CEP295: variants seen among roughly 807,000 people sequenced by gnomAD.
CEP295 encodes centrosomal protein 295.
A neutral mutation model predicts 291.6 loss-of-function variants in CEP295; 190 were observed. The ratio of observed to expected loss-of-function variants is 0.65; its 90% CI spans 0.58 to 0.73. The LOEUF is 0.73. Among genes scored for constraint, CEP295 ranks in the 30% least tolerant of loss-of-function variants. CEP295 has a pLI of 0.00. For synonymous variants in CEP295, 993 were observed against 1,038.8 expected (o/e 0.96, Z 0.85); for missense variants, 2,863 against 2,949.4 (o/e 0.97, Z 0.68).
At chr11:93,729,814 C>T (rs2135387658) in intron 27 of CEP295, 33 bp downstream of exon 27, 2 of 1,536,590 alleles carry the variant, frequency 1.3e-6, no homozygotes, top group Non-Finnish European at 1.8e-6. Context: ...TCAACCAACT[C>T]CCTGAAATGT....
rs61738803 is a variant in CEP295 at position 93,729,731 on chromosome 11, A to T, written c.7517A>T (p.His2506Leu). Reference protein sequence around the residue: ...QRQKEIRNKIHVSENSQIKTV... With the variant: ...QRQKEIRNKILVSENSQIKTV... ...CAGAAAGAAATAAGGAATAAAATTC[A>T]TGTCTCTGAAAATTCTCAAATCAAA... is the stretch of plus-strand genomic sequence containing the variant. The change falls in exon 27 of 30, where the codon CAT becomes CTT. Residue 2506 changes from histidine (H) to leucine (L), a missense_variant. Transcript: ENST00000325212. 1.3e-6 allele frequency: 2 copies of T among 1,549,634 alleles called. No individual in the cohort carries two copies. Among genetic ancestry groups the T allele is most frequent in the Non-Finnish European group, 1.7e-6 (2 of 1,145,546 alleles).
intron 15 of CEP295, among the ~76,000 whole-genome samples, chr11:93,701,777 T>C (rs1295146051): frequency 1.3e-5 from 2 of 151,756 alleles, no homozygotes; most frequent in Non-Finnish European, 2.9e-5. Flanking sequence ...CTAACTTTTG[T>C]ATTTTTTGTA....
chr11:93,713,912 T>G (rs1165870035), intron 18 of CEP295, among the ~76,000 whole-genome samples: 1 of 152,104 alleles, frequency 6.6e-6, no homozygotes, highest in East Asian at 1.9e-4. Flanking sequence ...GTTCACTAAT[T>G]CATTGTGCTT....
chr11:93,673,660 A>C (rs1950552712), intron 5 of CEP295, among the ~76,000 whole-genome samples: 1 of 151,786 alleles, frequency 6.6e-6, no homozygotes, highest in African/African-American at 2.4e-5. Flanking sequence ...TGCCTGGCTA[A>C]TTTTTGATTT....
In CEP295 at chr11:93,699,157, A is replaced by C; in HGVS notation, c.4245A>C (p.Arg1415Ser). ...CATTACCTCTTAATGAATCTGAAAGAAACCAAGAACCATGTTCAATTAACA... is the reference window on the plus strand; with the variant it reads ...CATTACCTCTTAATGAATCTGAAAGCAACCAAGAACCATGTTCAATTAACA... ...FASLPLNESERNQEPCSINSD... is the reference protein window; with the variant it reads ...FASLPLNESESNQEPCSINSD... Residue 1415 changes from arginine (R) to serine (S), a missense_variant, in exon 15 of 30, where the codon AGA becomes AGC. Around this residue, in one of 3 missense-constraint regions of CEP295, gnomAD observed 2,295 missense variants for 2,335.7 expected, o/e 0.98. Coordinates refer to ENST00000325212, the MANE Select transcript of CEP295 (RefSeq NM_033395.2). 6.4e-7 allele frequency: 1 copy of C among 1,551,810 alleles called. No homozygotes were observed. Among genetic ancestry groups the C allele is most frequent in the African/African-American group, 1.4e-5 (1 of 73,160 alleles).
At chr11:93,702,729 T>C (rs948358310) in intron 16 of CEP295, 47 bp from the exon 17 acceptor site, 1 of 1,543,496 alleles carries the variant, frequency 6.5e-7, no homozygotes, top group Non-Finnish European at 8.8e-7. Context: ...GTTAGAAGTA[T>C]GTTAATAGAT....
At position 93,698,747 on chromosome 11, in the gene CEP295, G is replaced by A; in HGVS notation, c.3835G>A (p.Glu1279Lys). The A allele has an allele frequency of 6.4e-7, 1 of 1,551,626 alleles. No homozygotes were observed. Among genetic ancestry groups the A allele is most frequent in the Non-Finnish European group, 8.7e-7 (1 of 1,147,008 alleles). The change falls in exon 15 of 30, where the codon GAA becomes AAA. Residue 1279 changes from glutamate (E) to lysine (K), a missense_variant. Glu to Lys is a moderately conservative substitution (Grantham distance 56, BLOSUM62 1). Transcript: ENST00000325212. ...CTTTCATTTCAGCCAGAAAACCCAA[G>A]AAAATACATCTTCTGAACAAACTGG... is the stretch of plus-strand genomic sequence containing the variant. ...EAFHFSQKTQ[E>K]NTSSEQTGSS...
At chr11:93,708,070 CTATT>C (rs1366948196) in intron 18 of CEP295, among the ~76,000 whole-genome samples, 4 of 151,846 alleles carry the variant, frequency 2.6e-5, no homozygotes, top group African/African-American at 7.3e-5. Flanking sequence ...GTAGGTGTAT[CTATT>C]TATGGGGTAT....
Position 93,723,169 on chromosome 11 carries a change from G to C in CEP295, c.6076G>C (p.Val2026Leu), listed in dbSNP as rs113577083. 0.013 allele frequency: 20,819 copies of C among 1,551,980 alleles called. 199 individuals are homozygous for C. The highest frequency in any genetic ancestry group is 0.015 in the Non-Finnish European group (16,645 of 1,146,996). Residue 2026 changes from valine to leucine, a missense_variant, in exon 21 of 30, where the codon GTT (valine) becomes CTT (leucine). Physicochemically the swap from Val to Leu is conservative, Grantham distance 32. This residue lies in a region of CEP295 where 2,295 missense variants were observed against 2,335.7 expected (regional missense o/e 0.98). Coordinates refer to ENST00000325212, the MANE Select transcript of CEP295 (RefSeq NM_033395.2). ...DIYQRQNSSDVHKSLLPAVDE... is the reference protein window; with the variant it reads ...DIYQRQNSSDLHKSLLPAVDE... ...TTATCAGCGGCAGAACTCTTCAGAC[G>C]TTCATAAATCTCTGTTGCCTGCAGT...
At chr11:93,676,672 AT>A (rs1220928387) in intron 6 of CEP295, among the ~76,000 whole-genome samples, 2 of 152,118 alleles carry the variant, frequency 1.3e-5, no homozygotes, top group East Asian at 3.9e-4. Flanking sequence ...AATAACTTCA[AT>A]TTGTTGCTAA....
At chr11:93,681,662 C>T (rs1950973355) in intron 7 of CEP295, among the ~76,000 whole-genome samples, 1 of 151,896 alleles carries the variant, frequency 6.6e-6, no homozygotes, top group Non-Finnish European at 1.5e-5. Flanking sequence ...GATCCGCCTG[C>T]CTCAGCCTCC....
Position 93,729,857 on chromosome 11 carries a change from T to G in CEP295, c.7568-13T>G, listed in dbSNP as rs1938156804. 1.3e-6 allele frequency: 2 copies of G among 1,538,416 alleles called. No homozygotes were observed. Among genetic ancestry groups the G allele is most frequent in the Non-Finnish European group, 1.7e-6 (2 of 1,143,512 alleles). ...CTTGTGTTTACAACTTGATTTCACT[T>G]TTCTTTCCTCAGGTTCATCTGTGAG... is the stretch of plus-strand genomic sequence containing the variant. On this transcript the variant is annotated splice_polypyrimidine_tract_variant and intron_variant, in intron 27 of 29. Coordinates refer to ENST00000325212, the MANE Select transcript of CEP295 (RefSeq NM_033395.2).
At chr11:93,690,984 A>T (rs1012171055) in intron 10 of CEP295, among the ~76,000 whole-genome samples, 2 of 152,164 alleles carry the variant, frequency 1.3e-5, no homozygotes, top group African/African-American at 4.8e-5. Context: ...GTCTGCTTAA[A>T]TGTCGTTTCC....
intron 5 of CEP295, among the ~76,000 whole-genome samples, chr11:93,670,088 A>G (rs551023502): frequency 6.6e-5 from 10 of 152,226 alleles, no homozygotes; most frequent in African/African-American, 2.2e-4. Context: ...TTGGAAAACT[A>G]TAATGGTTTT....
rs1269280145 is a variant in CEP295, at chr11:93,697,774, A to G, written c.2862A>G (p.Gln954=). The G allele has an allele frequency of 9.0e-6, 14 of 1,551,626 alleles. No homozygotes were observed. Among genetic ancestry groups the G allele is most frequent in the Middle Eastern group, 1.7e-4 (1 of 6,014 alleles). Residue 954 remains glutamine (Q), a synonymous_variant, in exon 15 of 30, where the codon CAA becomes CAG. Transcript: ENST00000325212. ...LSQQNNFKFL[Q]EQLNIQKDSL... is the part of the protein sequence containing the mutation. ...AGCAAAATAATTTTAAATTTCTCCA[A>G]GAGCAGTTGAATATTCAGAAGGATA...
chr11:93,728,592 T>G (rs1466498144), intron 24 of CEP295, 89 bp from the exon 25 acceptor site: 2 of 1,186,616 alleles, frequency 1.7e-6, no homozygotes. Context: ...TATATACACT[T>G]GCAAAAAATG....
At chr11:93,691,324 A>T (rs1951542316) in intron 10 of CEP295, among the ~76,000 whole-genome samples, 1 of 152,210 alleles carries the variant, frequency 6.6e-6, no homozygotes. Flanking sequence ...TTTTTTAAAA[A>T]CCTAGTATCC....
At position 93,698,471 on chromosome 11, in the gene CEP295, G is replaced by T. The variant is rs555023177; in HGVS notation, c.3559G>T (p.Val1187Leu). The T allele has an allele frequency of 1.3e-6, 2 of 1,551,844 alleles. No individual in the cohort carries two copies. The highest frequency in any genetic ancestry group is 1.4e-5 in the African/African-American group (1 of 73,034). ...LGAKEGTQEF[V>L]HTESELEKRI... is the part of the protein sequence containing the mutation. The stretch of plus-strand genomic sequence containing the variant: ...TGCTAAAGAAGGAACTCAGGAATTT[G>T]TACACACAGAAAGTGAATTGGAGAA... Residue 1187 changes from valine to leucine, a missense_variant, in exon 15 of 30, where the codon GTA becomes TTA. Physicochemically the swap from Val to Leu is conservative, Grantham distance 32. Coordinates refer to ENST00000325212, the MANE Select transcript of CEP295 (RefSeq NM_033395.2).
rs1951884078 is a variant in CEP295, at chr11:93,697,162, A to G, written c.2250A>G (p.Lys750=). The G allele has an allele frequency of 6.4e-7, 1 of 1,551,902 alleles. No homozygotes were observed. The highest frequency in any genetic ancestry group is 8.7e-7 in the Non-Finnish European group (1 of 1,147,050). ...DRQLISQDAR[K]ISETFGATTF... ...AGCTAATATCACAGGATGCTAGAAA[A>G]ATATCTGAAACATTTGGGGCAACAA... The change falls in exon 15 of 30, where the codon AAA becomes AAG. Residue 750 remains lysine (K), a synonymous_variant. Coordinates refer to ENST00000325212, the MANE Select transcript of CEP295 (RefSeq NM_033395.2).
Sources: allele counts gnomAD v4.1 joint callset (sites outside exome capture counted in the v4.1 genomes callset), GRCh38; gene constraint gnomAD v4.1.1; regional missense constraint gnomAD v4.1.1; transcripts MANE v1.5; gene names NCBI Gene and HGNC (gene_info 2026-07-23, HGNC 2026-07-21).